GRID2: variants seen among roughly 807,000 people sequenced by gnomAD.
GRID2 encodes the protein glutamate receptor ionotropic, delta-2.
GRID2 carries 33 observed loss-of-function variants against 114.8 expected under a neutral mutation model. The observed-to-expected ratio is 0.29, with a 90% CI of 0.22 to 0.38. The LOEUF is 0.38. Among genes scored for constraint, GRID2 ranks in the 10% least tolerant of loss-of-function variants. The probability of loss-of-function intolerance (pLI) is 1.00; values close to 1 mark genes in which losing one functional copy is unlikely to be tolerated. For synonymous variants in GRID2, 505 were observed against 449.9 expected (o/e 1.12, Z -1.55); for missense variants, 1,184 against 1,257.7 (o/e 0.94, Z 0.89).
intron 8 of GRID2, among the ~76,000 whole-genome samples, chr4:93,248,953 C>G (rs1017313833): frequency 1.3e-5 from 2 of 152,136 alleles, no homozygotes; most frequent in Non-Finnish European, 2.9e-5. Context: ...TCTGTAGTGA[C>G]TGAAAATTGA....
chr4:92,824,941 G>T (rs1560617129), intron 2 of GRID2, among the ~76,000 whole-genome samples: 1 of 151,652 alleles, frequency 6.6e-6, no homozygotes, highest in Non-Finnish European at 1.5e-5. Flanking sequence ...ATAAATATAT[G>T]AAAGTTTATA....
chr4:92,822,294 C>T, intron 2 of GRID2: 1 of 605,464 alleles, frequency 1.7e-6, no homozygotes, highest in South Asian at 1.4e-5. Flanking sequence ...GCATGGCCAG[C>T]ATTGCCTCCA....
At chr4:93,590,813 A>G (rs1738186890) in intron 13 of GRID2, among the ~76,000 whole-genome samples, 1 of 149,920 alleles carries the variant, frequency 6.7e-6, no homozygotes, top group African/African-American at 2.4e-5. Context: ...TTCTCTTTGA[A>G]GCAATTGTGA....
intron 12 of GRID2, among the ~76,000 whole-genome samples, chr4:93,501,117 G>A (rs1728055729): frequency 6.6e-6 from 1 of 152,086 alleles, no homozygotes; most frequent in Admixed American, 6.6e-5. Context: ...GAACTAGAAA[G>A]ACATTTTTTA....
At chr4:93,206,620 A>ACC (rs1187670129) in intron 4 of GRID2, among the ~76,000 whole-genome samples, 9 of 151,752 alleles carry the variant, frequency 5.9e-5, no homozygotes, top group African/African-American at 2.2e-4. Context: ...ACACACACAC[A>ACC]CACACACACG....
chr4:92,973,026 G>C lies in GRID2; in HGVS notation c.245-111969G>C, dbSNP rs563415961. On this transcript the variant is annotated intron_variant, in intron 2 of 15. Transcript: ENST00000282020. ...TCTATCGTTGATGGGAATTTGGGTT[G>C]ATTCCATGTCTTTGTTACTGTGAAT... Among the ~76,000 whole-genome samples the C allele has an allele frequency of 1.4e-4, 21 of 152,270 alleles. No individual in the cohort carries two copies. In the South Asian group the frequency reaches 4.3e-3, roughly 32 times the overall value.
intron 13 of GRID2, among the ~76,000 whole-genome samples, chr4:93,612,313 T>G (rs1321048354): frequency 6.6e-6 from 1 of 151,236 alleles, no homozygotes; most frequent in African/African-American, 2.4e-5. Context: ...CCATTTACAT[T>G]TAAAGTTAAT....
chr4:92,838,273 T>A (rs554684392), intron 2 of GRID2, among the ~76,000 whole-genome samples: 1 of 152,198 alleles, frequency 6.6e-6, no homozygotes, highest in South Asian at 2.1e-4. Flanking sequence ...AAATTGAATA[T>A]CACTACCATG....
intron 14 of GRID2, among the ~76,000 whole-genome samples, chr4:93,635,431 C>T (rs193089328): frequency 1.7e-4 from 25 of 149,844 alleles, no homozygotes; most frequent in Non-Finnish European, 3.3e-4. Flanking sequence ...TATATTTTTG[C>T]TTTAAAAGAA....
intron 1 of GRID2, among the ~76,000 whole-genome samples, chr4:92,355,890 G>T (rs1728294523): frequency 6.6e-6 from 1 of 151,674 alleles, no homozygotes; most frequent in East Asian, 1.9e-4. Flanking sequence ...CTATAGCCAT[G>T]CCAGACAGTA....
At chr4:93,398,471 A>G (rs2149334468) in intron 9 of GRID2, among the ~76,000 whole-genome samples, 1 of 151,796 alleles carries the variant, frequency 6.6e-6, no homozygotes. Context: ...TGAGGTGTCT[A>G]TAGAATTTTG....
chr4:93,438,385 T>C (rs1721306822), intron 10 of GRID2, among the ~76,000 whole-genome samples: 1 of 152,066 alleles, frequency 6.6e-6, no homozygotes, highest in Admixed American at 6.6e-5. Flanking sequence ...AGTAGGAGTA[T>C]AAGAGGCAAC....
chr4:93,544,174 G>A (rs1261036798), intron 13 of GRID2, among the ~76,000 whole-genome samples: 1 of 152,002 alleles, frequency 6.6e-6, no homozygotes, highest in African/African-American at 2.4e-5. Context: ...GAATATTTTT[G>A]TTTTCCTCAT....
At chr4:92,370,575 A>C (rs1729072699) in intron 1 of GRID2, among the ~76,000 whole-genome samples, 1 of 151,860 alleles carries the variant, frequency 6.6e-6, no homozygotes, top group Non-Finnish European at 1.5e-5. Flanking sequence ...TGCTTGTGAG[A>C]CTCCATCTCA....
chr4:93,428,673 T>C (rs1342944196), intron 10 of GRID2, among the ~76,000 whole-genome samples: 3 of 152,144 alleles, frequency 2.0e-5, no homozygotes, highest in Non-Finnish European at 4.4e-5. Context: ...AGTTCAAGCA[T>C]AAAATAAAAT....
intron 2 of GRID2, among the ~76,000 whole-genome samples, chr4:92,722,172 G>A (rs1735840521): frequency 6.6e-6 from 1 of 152,168 alleles, no homozygotes. Flanking sequence ...TGGATGAGTA[G>A]AAGCTGGTAG....
chr4:93,166,988 T>G (rs948875482), intron 4 of GRID2, among the ~76,000 whole-genome samples: 1 of 152,132 alleles, frequency 6.6e-6, no homozygotes, highest in African/African-American at 2.4e-5. Context: ...ATTATTTTAC[T>G]AATCCACTTA....
chr4:92,516,274 A>G (rs901552983), intron 1 of GRID2, among the ~76,000 whole-genome samples: 6 of 151,910 alleles, frequency 3.9e-5, no homozygotes, highest in Admixed American at 1.3e-4. Context: ...TTATAATGTC[A>G]TTCATGTTGT....
intron 2 of GRID2, among the ~76,000 whole-genome samples, chr4:92,918,267 T>A (rs1353924203): frequency 2.0e-5 from 3 of 152,154 alleles, no homozygotes; most frequent in Admixed American, 1.3e-4. Flanking sequence ...ACGATGGGAT[T>A]TTCTAGATAT....
Sources: allele counts gnomAD v4.1 joint callset (sites outside exome capture counted in the v4.1 genomes callset), GRCh38; gene constraint gnomAD v4.1.1; transcripts MANE v1.5; gene names NCBI Gene and HGNC (gene_info 2026-07-23, HGNC 2026-07-21).